The following CTNNA3 variants were observed in gnomAD, a reference collection of about 807,000 sequenced individuals.
CTNNA3 encodes the protein catenin alpha-3.
In CTNNA3, 76 loss-of-function variants were observed where a neutral mutation model predicts 95.7. That is an observed-to-expected ratio of 0.79 (90% CI 0.66 to 0.96). CTNNA3 has a LOEUF of 0.96. CTNNA3 is among the 40% of genes least tolerant of loss of function. The pLI is 0.00. For missense variants in CTNNA3, 1,191 were observed against 1,089.8 expected (o/e 1.09, Z -1.31); for synonymous variants, 431 against 374.4 (o/e 1.15, Z -1.74).
intron 11 of CTNNA3, among the ~76,000 whole-genome samples, chr10:66,481,295 T>A (rs2456663): frequency 0.21 from 32,275 of 151,950 alleles, 6,542 homozygotes; most frequent in East Asian, 0.84. Flanking sequence ...TAATTTGATT[T>A]GCTGTAGATT....
At chr10:66,093,518 C>A (rs1168770965) in intron 14 of CTNNA3, among the ~76,000 whole-genome samples, 1 of 151,954 alleles carries the variant, frequency 6.6e-6, no homozygotes, top group African/African-American at 2.4e-5. Context: ...ATGGAAAAAT[C>A]AGAAATATAG....
At chr10:66,225,720 T>A (rs2089248079) in intron 13 of CTNNA3, among the ~76,000 whole-genome samples, 1 of 151,828 alleles carries the variant, frequency 6.6e-6, no homozygotes, top group Non-Finnish European at 1.5e-5. Context: ...CTCCCTTTTC[T>A]CCACATCCTC....
In CTNNA3 at chr10:67,636,364, C is replaced by T. The variant is rs906390925; in HGVS notation, c.99+11051G>A. ...CAAAAAACAGCTCAAATAGCCAAGA[C>T]AATCCTAAGCAAAAAGAACAAAGCT... is the stretch of plus-strand genomic sequence containing the variant. On this transcript the variant is annotated intron_variant, in intron 2 of 17. Coordinates refer to ENST00000433211, the MANE Select transcript of CTNNA3 (RefSeq NM_013266.4). Among the ~76,000 whole-genome samples the T allele has an allele frequency of 2.0e-5, 3 of 152,142 alleles. No individual in the cohort carries two copies. In the East Asian group the frequency reaches 5.8e-4, roughly 29 times the overall value.
At chr10:66,201,783 CTT>C (rs1236010501) in intron 13 of CTNNA3, among the ~76,000 whole-genome samples, 1,383 of 79,356 alleles carry the variant, frequency 0.017, 8 homozygotes, top group Middle Eastern at 0.029. Context: ...TTTACTTTTT[CTT>C]TTTTTTTTTT....
At chr10:66,182,256 C>CTTTT (rs570667950) in intron 13 of CTNNA3, among the ~76,000 whole-genome samples, 1 of 134,548 alleles carries the variant, frequency 7.4e-6, no homozygotes, top group Admixed American at 7.6e-5. Context: ...GGATACATTT[C>CTTTT]TTTTTTTTTT....
At chr10:67,199,140 CA>C (rs552892242) in intron 6 of CTNNA3, among the ~76,000 whole-genome samples, 1 of 151,732 alleles carries the variant, frequency 6.6e-6, no homozygotes, top group East Asian at 1.9e-4. Flanking sequence ...GAGAAAGTGA[CA>C]AAAAAAGAAA....
In CTNNA3 at chr10:67,301,994, CGAAA is replaced by C. The variant is rs1334898390; in HGVS notation, c.580-82128_580-82125del. Among the ~76,000 whole-genome samples the C allele has an allele frequency of 3.3e-3, 123 of 36,768 alleles. 17 individuals are homozygous for C. Among genetic ancestry groups the C allele is most frequent in the African/African-American group, 0.019 (62 of 3,340 alleles). 24.1% of individuals were successfully genotyped at this position (36,768 alleles called of 152,430 possible). On this transcript the variant is annotated intron_variant, in intron 5 of 17. Transcript: ENST00000433211. ...AAAGAAAAAAGAAAGAAAGAAAGAA[CGAAA>C]GAACGAAAGAAAGAAAGAAAGAAAG...
chr10:66,740,037 C>T (rs961683299), intron 9 of CTNNA3, among the ~76,000 whole-genome samples: 1 of 152,180 alleles, frequency 6.6e-6, no homozygotes, highest in Non-Finnish European at 1.5e-5. Context: ...AGATTCAGAT[C>T]ATTTGGGGAA....
At chr10:67,266,713 T>C (rs918256238) in intron 5 of CTNNA3, among the ~76,000 whole-genome samples, 1 of 152,130 alleles carries the variant, frequency 6.6e-6, no homozygotes, top group Non-Finnish European at 1.5e-5. Context: ...TTCAGCTAGA[T>C]AGGAAGAATA....
chr10:67,168,547 T>C (rs1389967232), intron 7 of CTNNA3, among the ~76,000 whole-genome samples: 1 of 152,170 alleles, frequency 6.6e-6, no homozygotes, highest in Non-Finnish European at 1.5e-5. Context: ...ATTATCTCAA[T>C]AGCCACAGAA....
chr10:67,637,252 G>A (rs951959286), intron 2 of CTNNA3, among the ~76,000 whole-genome samples: 5 of 152,224 alleles, frequency 3.3e-5, no homozygotes, highest in African/African-American at 1.2e-4. Context: ...TCAACTGGAA[G>A]AAAGGGTATC....
Position 66,398,448 on chromosome 10 carries a change from A to T in CTNNA3, c.1532-19096T>A, listed in dbSNP as rs762260766. 1.3e-4 allele frequency among the ~76,000 whole-genome samples: 20 copies of T among 151,886 alleles called. 1 individual carries two copies. Among genetic ancestry groups the T allele is most frequent in the Non-Finnish European group, 2.8e-4 (19 of 67,868 alleles). ...CAGTGTAATGTATCTATGGTATTGT[A>T]TTTAGAAGAAATTCTTGCCAGGACT... On this transcript the variant is annotated intron_variant, in intron 11 of 17. Coordinates refer to ENST00000433211, the MANE Select transcript of CTNNA3 (RefSeq NM_013266.4).
intron 5 of CTNNA3, among the ~76,000 whole-genome samples, chr10:67,338,534 C>T (rs1842071606): frequency 6.6e-6 from 1 of 151,954 alleles, no homozygotes. Flanking sequence ...CTTTATTATA[C>T]AAATGCCAAT....
chr10:67,011,257 C>G (rs1852313766), intron 7 of CTNNA3, among the ~76,000 whole-genome samples: 2 of 150,856 alleles, frequency 1.3e-5, no homozygotes, highest in African/African-American at 4.9e-5. Flanking sequence ...AGGAGAATTG[C>G]TTGAACCCAG....
rs1004325794 is a variant in CTNNA3 at position 66,091,211 on chromosome 10, C to A, written c.1977+11946G>T. 3.9e-5 allele frequency among the ~76,000 whole-genome samples: 6 copies of A among 152,064 alleles called. No individual in the cohort carries two copies. The East Asian group carries it at 1.2e-3, about 29-fold the overall frequency. ...TTGCTAGCCAGATGTCTACCACAAA[C>A]ACCTTTAAACCTACAAAGAGAAAGA... On this transcript the variant is annotated intron_variant, in intron 14 of 17. Coordinates refer to ENST00000433211, the MANE Select transcript of CTNNA3 (RefSeq NM_013266.4).
Position 65,966,573 on chromosome 10 carries a change from C to T in CTNNA3, c.2400+39G>A, listed in dbSNP as rs747349303. The T allele has an allele frequency of 8.3e-6, 13 of 1,562,226 alleles. No homozygotes were observed. In the Admixed American group the frequency reaches 2.1e-4, roughly 25 times the overall value. On this transcript the variant is annotated intron_variant, in intron 17 of 17. Transcript: ENST00000433211. ...GGTGTAGTTACTCTGTTTCAAGCAT[C>T]TTCCACCTGTGATCATGTAAGTGCT...
intron 7 of CTNNA3, among the ~76,000 whole-genome samples, chr10:67,027,145 C>T (rs1853439267): frequency 6.6e-6 from 1 of 151,738 alleles, no homozygotes; most frequent in African/African-American, 2.4e-5. Context: ...GAGTGAGTGC[C>T]CAATAAGGTG....
intron 9 of CTNNA3, among the ~76,000 whole-genome samples, chr10:66,625,620 C>A (rs1253050283): frequency 6.6e-6 from 1 of 152,114 alleles, no homozygotes; most frequent in East Asian, 1.9e-4. Flanking sequence ...ACCTCCTGAC[C>A]TCAAGCAATC....
At chr10:67,590,953 T>G (rs1842772265) in intron 3 of CTNNA3, among the ~76,000 whole-genome samples, 1 of 152,142 alleles carries the variant, frequency 6.6e-6, no homozygotes. Flanking sequence ...TTTTGTTTCA[T>G]GTTTAACAAA....
Sources: allele counts gnomAD v4.1 joint callset (sites outside exome capture counted in the v4.1 genomes callset), GRCh38; gene constraint gnomAD v4.1.1; transcripts MANE v1.5; gene names NCBI Gene and HGNC (gene_info 2026-07-23, HGNC 2026-07-21).